Variants in KCTD16 observed in about 807,000 individuals in gnomAD.
The protein encoded by KCTD16 is potassium channel tetramerization domain containing 16.
Under a neutral mutation model 33.2 loss-of-function variants are expected in KCTD16, and 13 were observed. The ratio of observed to expected loss-of-function variants is 0.39; its 90% confidence interval spans 0.25 to 0.62. The LOEUF (loss-of-function observed/expected upper bound fraction) is 0.62. Among genes scored for constraint, KCTD16 ranks in the 20% least tolerant of loss-of-function variants. The probability of loss-of-function intolerance (pLI) is 0.50; values close to 1 mark genes in which losing one functional copy is unlikely to be tolerated. For missense variants in KCTD16, 441 were observed against 525.1 expected, an observed-to-expected ratio of 0.84 and a Z score of 1.57; for synonymous variants, 197 against 195.3, an observed-to-expected ratio of 1.01 and a Z score of -0.07.
chr5:144,425,359 C>T (rs1753302979), intron 3 of KCTD16, among the ~76,000 whole-genome samples: 1 of 151,896 alleles, frequency 6.6e-6, no homozygotes, highest in African/African-American at 2.4e-5. Context: ...GCTCATCCCA[C>T]CCAGCAGCTC....
intron 3 of KCTD16, among the ~76,000 whole-genome samples, chr5:144,209,109 A>G (rs1753284465): frequency 6.6e-6 from 1 of 152,210 alleles, no homozygotes; most frequent in South Asian, 2.1e-4. Context: ...CAGCTTTGTA[A>G]TATTTACCAT....
intron 3 of KCTD16, among the ~76,000 whole-genome samples, chr5:144,325,775 C>A (rs1193599744): frequency 6.6e-6 from 1 of 152,114 alleles, no homozygotes; most frequent in African/African-American, 2.4e-5. Flanking sequence ...TGTGTCCTAA[C>A]TGCCTCTTGA....
intron 3 of KCTD16, among the ~76,000 whole-genome samples, chr5:144,343,322 G>A (rs568525962): frequency 8.6e-5 from 13 of 151,708 alleles, no homozygotes; most frequent in Non-Finnish European, 1.3e-4. Flanking sequence ...TGTATGTGTC[G>A]AGGAATTTAT....
At chr5:144,373,226 G>C (rs1305224364) in intron 3 of KCTD16, among the ~76,000 whole-genome samples, 4 of 152,104 alleles carry the variant, frequency 2.6e-5, no homozygotes, top group South Asian at 2.1e-4. Context: ...ATGGTCTCCT[G>C]ACTCTTGATC....
chr5:144,448,854 T>C (rs1299578382), intron 3 of KCTD16, among the ~76,000 whole-genome samples: 3 of 152,066 alleles, frequency 2.0e-5, no homozygotes, highest in African/African-American at 7.2e-5. Flanking sequence ...TCTCAATAGA[T>C]AGCAAGTAAT....
intron 3 of KCTD16, among the ~76,000 whole-genome samples, chr5:144,245,869 T>A (rs1326250083): frequency 6.6e-6 from 1 of 152,212 alleles, no homozygotes; most frequent in Admixed American, 6.5e-5. Flanking sequence ...ATGCTTCCTA[T>A]GAAGCCTGCA....
chr5:144,246,647 A>T (rs1032270388), intron 3 of KCTD16, among the ~76,000 whole-genome samples: 1 of 152,208 alleles, frequency 6.6e-6, no homozygotes, highest in Non-Finnish European at 1.5e-5. Flanking sequence ...CCAAATGATA[A>T]TTTAACATTG....
At chr5:144,335,882 T>C (rs1302612375) in intron 3 of KCTD16, among the ~76,000 whole-genome samples, 1 of 151,888 alleles carries the variant, frequency 6.6e-6, no homozygotes, top group Non-Finnish European at 1.5e-5. Context: ...GAAAATGGAG[T>C]TGTAGCTTAG....
intron 3 of KCTD16, among the ~76,000 whole-genome samples, chr5:144,376,273 G>T (rs1289874361): frequency 6.6e-6 from 1 of 151,920 alleles, no homozygotes; most frequent in African/African-American, 2.4e-5. Context: ...ATGTCCAAGG[G>T]TATTCATTGT....
intron 3 of KCTD16, among the ~76,000 whole-genome samples, chr5:144,321,981 G>A (rs1018214690): frequency 6.6e-6 from 1 of 151,936 alleles, no homozygotes; most frequent in Non-Finnish European, 1.5e-5. Flanking sequence ...GAGAGTGAAA[G>A]GAGTAAAGAA....
At chr5:144,381,357 T>A (rs1290253788) in intron 3 of KCTD16, among the ~76,000 whole-genome samples, 1 of 152,150 alleles carries the variant, frequency 6.6e-6, no homozygotes, top group East Asian at 1.9e-4. Flanking sequence ...GGAATGTAAA[T>A]TAGTTCAGCC....
At chr5:144,407,400 T>A (rs1011803054) in intron 3 of KCTD16, among the ~76,000 whole-genome samples, 1 of 151,944 alleles carries the variant, frequency 6.6e-6, no homozygotes, top group African/African-American at 2.4e-5. Context: ...AAAACTTAGG[T>A]TCAGGAGTAA....
intron 3 of KCTD16, among the ~76,000 whole-genome samples, chr5:144,228,955 G>C (rs905639531): frequency 6.6e-6 from 1 of 152,166 alleles, no homozygotes; most frequent in Non-Finnish European, 1.5e-5. Flanking sequence ...GAAGAGAGAA[G>C]ACCATATAAA....
chr5:144,275,589 C>T (rs1449107285), intron 3 of KCTD16, among the ~76,000 whole-genome samples: 1 of 152,184 alleles, frequency 6.6e-6, no homozygotes, highest in East Asian at 1.9e-4. Context: ...TTTTGTGACA[C>T]CACAGGGTCC....
At chr5:144,404,897 G>C (rs892215684) in intron 3 of KCTD16, among the ~76,000 whole-genome samples, 4 of 152,186 alleles carry the variant, frequency 2.6e-5, no homozygotes, top group African/African-American at 7.2e-5. Flanking sequence ...CAAGAATACA[G>C]AGTGCTATCT....
intron 3 of KCTD16, among the ~76,000 whole-genome samples, chr5:144,326,810 T>G (rs916335696): frequency 6.6e-6 from 1 of 152,176 alleles, no homozygotes; most frequent in Non-Finnish European, 1.5e-5. Context: ...AACAAAGTGC[T>G]TCTTAAAATT....
intron 3 of KCTD16, among the ~76,000 whole-genome samples, chr5:144,287,217 G>A (rs1267340342): frequency 2.0e-5 from 3 of 152,148 alleles, no homozygotes; most frequent in Non-Finnish European, 2.9e-5. Flanking sequence ...AAGTCTCTGA[G>A]TCAAAATTGG....
intron 3 of KCTD16, among the ~76,000 whole-genome samples, chr5:144,232,705 T>C (rs562674622): frequency 2.6e-5 from 4 of 152,296 alleles, no homozygotes; most frequent in South Asian, 4.1e-4. Flanking sequence ...AAATGAACCA[T>C]GTATTTAATT....
chr5:144,292,565 A>G (rs1030896465), intron 3 of KCTD16, among the ~76,000 whole-genome samples: 2 of 152,192 alleles, frequency 1.3e-5, no homozygotes, highest in Non-Finnish European at 2.9e-5. Context: ...AAACTGTTCA[A>G]TATGGATTAC....
Sources: gnomAD v4.1 joint callset for allele counts (sites outside exome capture counted in the v4.1 genomes callset) on GRCh38, gnomAD v4.1.1 for gene constraint, MANE v1.5 for transcripts, NCBI Gene and HGNC (gene_info 2026-07-23, HGNC 2026-07-21) for gene names.